Variants in MARCHF3 observed in about 807,000 individuals in gnomAD.
MARCHF3 encodes the protein membrane associated ring-CH-type finger 3.
In MARCHF3, 13 loss-of-function variants were observed where a neutral mutation model predicts 24.2. That is an observed-to-expected ratio of 0.54 (90% CI 0.35 to 0.85). The LOEUF is 0.85. MARCHF3 is among the 40% of genes least tolerant of loss of function. MARCHF3 has a pLI of 0.01. For missense variants in MARCHF3, 276 were observed against 325.0 expected (o/e 0.85, Z 1.16); for synonymous variants, 144 against 137.3 (o/e 1.05, Z -0.34).
chr5:126,928,434 C>T (rs1749366027), intron 1 of MARCHF3, among the ~76,000 whole-genome samples: 1 of 152,090 alleles, frequency 6.6e-6, no homozygotes, highest in South Asian at 2.1e-4. Context: ...AACCAAAAAT[C>T]CAAAAGAAAT....
In MARCHF3 at chr5:126,956,669, AAACC is replaced by A. The variant is rs1213408396; in HGVS notation, c.-56-38446_-56-38443del. Among the ~76,000 whole-genome samples the A allele has an allele frequency of 2.8e-3, 419 of 149,290 alleles. 9 individuals are homozygous for A. The highest frequency in any genetic ancestry group is 0.01 in the African/African-American group (406 of 40,118). On this transcript the variant is annotated intron_variant, in intron 1 of 4. Coordinates refer to ENST00000308660, the MANE Select transcript of MARCHF3 (RefSeq NM_178450.5). ...CCAAAAAAAAAAAAAAAAAAAAAAA[AAACC>A]AAAAAAACAACAACAAAAACAAAAA...
At chr5:127,022,103 T>C (rs1752822913) in intron 1 of MARCHF3, among the ~76,000 whole-genome samples, 1 of 152,018 alleles carries the variant, frequency 6.6e-6, no homozygotes, top group Non-Finnish European at 1.5e-5. Flanking sequence ...GAGCGGGAGG[T>C]GGTAAGAGTA....
At chr5:127,029,854 AGCTGCAGAGCAC>A (rs1753119321) in intron 1 of MARCHF3, 1 of 152,258 alleles carries the variant, frequency 6.6e-6, no homozygotes, top group African/African-American at 2.4e-5. Flanking sequence ...TCCTCTCAGT[AGCTGCAGAGCAC>A]TGAAGCCCCC....
At chr5:126,957,290 G>A (rs565822803) in intron 1 of MARCHF3, among the ~76,000 whole-genome samples, 104 of 152,100 alleles carry the variant, frequency 6.8e-4, no homozygotes, top group African/African-American at 2.5e-3. Flanking sequence ...GTAACCTTTT[G>A]TCACATATGT....
chr5:126,874,269 G>A lies in MARCHF3; in HGVS notation c.604-3478C>T, dbSNP rs1320476147. Reference sequence around the variant, plus strand: ...CTCTTCCCATTAGGGAGGTGACTGCGGCTGGGGCAAAGGTGTGCTATAAAG... The same window carrying A: ...CTCTTCCCATTAGGGAGGTGACTGCAGCTGGGGCAAAGGTGTGCTATAAAG... On this transcript the variant is annotated intron_variant, in intron 4 of 4. Transcript: ENST00000308660. Among the ~76,000 whole-genome samples the A allele has an allele frequency of 5.9e-5, 9 of 152,234 alleles. No homozygotes were observed. The East Asian group carries it at 1.5e-3, about 26-fold the overall frequency.
intron 1 of MARCHF3, among the ~76,000 whole-genome samples, chr5:126,966,164 T>C (rs1006235223): frequency 6.6e-6 from 1 of 152,080 alleles, no homozygotes; most frequent in Admixed American, 6.6e-5. Flanking sequence ...ATCACATCAG[T>C]GGTTTCCTGG....
intron 1 of MARCHF3, among the ~76,000 whole-genome samples, chr5:126,993,157 C>G (rs73786277): frequency 0.051 from 7,835 of 152,172 alleles, 376 homozygotes; most frequent in South Asian, 0.13. Context: ...AGTCCTTGCA[C>G]TGATTTTTCC....
chr5:126,967,414 C>T (rs1483948435), intron 1 of MARCHF3, among the ~76,000 whole-genome samples: 1 of 152,136 alleles, frequency 6.6e-6, no homozygotes. Flanking sequence ...ACATTTAGGC[C>T]TGGTGCGGTG....
At chr5:126,893,189 T>C (rs996135042) in intron 3 of MARCHF3, among the ~76,000 whole-genome samples, 1 of 152,076 alleles carries the variant, frequency 6.6e-6, no homozygotes, top group African/African-American at 2.4e-5. Flanking sequence ...TTTTTTTCTT[T>C]ATTAGTCTTG....
intron 1 of MARCHF3, among the ~76,000 whole-genome samples, chr5:127,009,410 T>C (rs566591488): frequency 1.3e-5 from 2 of 152,376 alleles, no homozygotes; most frequent in East Asian, 3.9e-4. Flanking sequence ...TTCTCTATTA[T>C]CAGAGAGAAC....
chr5:126,918,382 GCA>G (rs112284753), intron 1 of MARCHF3, among the ~76,000 whole-genome samples, 155 bp from the exon 2 acceptor site: 32 of 149,142 alleles, frequency 2.1e-4, no homozygotes, highest in Non-Finnish European at 2.2e-4. Flanking sequence ...TAATACAAGT[GCA>G]CACACACACA....
intron 1 of MARCHF3, among the ~76,000 whole-genome samples, chr5:126,978,561 A>G (rs1255813579): frequency 1.3e-5 from 2 of 152,234 alleles, no homozygotes; most frequent in African/African-American, 2.4e-5. Context: ...TAAACATGTG[A>G]CAGATATATG....
chr5:126,954,353 C>T (rs1358793707), intron 1 of MARCHF3, among the ~76,000 whole-genome samples: 1 of 151,136 alleles, frequency 6.6e-6, no homozygotes, highest in Non-Finnish European at 1.5e-5. Flanking sequence ...CCGGCCTAAC[C>T]TCTTCTAATT....
intron 1 of MARCHF3, among the ~76,000 whole-genome samples, chr5:126,989,224 G>A (rs959578180): frequency 7.2e-5 from 11 of 151,854 alleles, no homozygotes; most frequent in Non-Finnish European, 1.5e-4. Flanking sequence ...GCCTGCAGTC[G>A]GCTATGATCG....
At chr5:126,890,801 C>T (rs1388186544) in intron 3 of MARCHF3, among the ~76,000 whole-genome samples, 1 of 149,428 alleles carries the variant, frequency 6.7e-6, no homozygotes, top group Non-Finnish European at 1.5e-5. Context: ...GGGTATATAC[C>T]CAGTAATGGG....
At chr5:126,951,978 C>T (rs1048607567) in intron 1 of MARCHF3, among the ~76,000 whole-genome samples, 1 of 152,106 alleles carries the variant, frequency 6.6e-6, no homozygotes, top group African/African-American at 2.4e-5. Flanking sequence ...TCCCAAGTAC[C>T]TGGGATTACA....
chr5:127,029,967 G>A (rs1753123775), intron 1 of MARCHF3: 1 of 152,228 alleles, frequency 6.6e-6, no homozygotes, highest in South Asian at 2.1e-4. Flanking sequence ...ATCCAGACGC[G>A]GACGCCGGGT....
At chr5:126,886,454 G>C (rs904391680) in intron 3 of MARCHF3, among the ~76,000 whole-genome samples, 9 of 152,186 alleles carry the variant, frequency 5.9e-5, no homozygotes, top group Non-Finnish European at 1.2e-4. Context: ...CCCAAATGCT[G>C]TGTGACTTTA....
At chr5:126,896,609 T>C (rs574641973) in intron 3 of MARCHF3, among the ~76,000 whole-genome samples, 2 of 152,156 alleles carry the variant, frequency 1.3e-5, no homozygotes, top group South Asian at 4.2e-4. Context: ...TATGTATAAC[T>C]GAAGCACCAG....
Sources: gnomAD v4.1 joint callset for allele counts (sites outside exome capture counted in the v4.1 genomes callset) on GRCh38, gnomAD v4.1.1 for gene constraint, MANE v1.5 for transcripts, NCBI Gene and HGNC (gene_info 2026-07-23, HGNC 2026-07-21) for gene names.